Variants in TPRX1 observed in about 807,000 individuals in gnomAD.
TPRX1 encodes tetrapeptide repeat homeobox 1.
TPRX1 carries 2 observed loss-of-function variants against 8.1 expected under a neutral mutation model. The observed-to-expected ratio is 0.25, with a 90% CI of 0.10 to 0.78. The LOEUF (loss-of-function observed/expected upper bound fraction) is 0.78, where lower values mean the gene tolerates loss of function less well. Ranked by LOEUF, TPRX1 falls within the 30% of genes least tolerant of loss-of-function variation. The pLI, the probability that TPRX1 is intolerant of heterozygous loss-of-function variation, is 0.70. For missense variants in TPRX1, 517 were observed against 586.9 expected (o/e 0.88, Z 1.23); for synonymous variants, 257 against 254.1 (o/e 1.01, Z -0.11).
chr19:47,815,129 T>TATATATATATATGCAA (rs1568617334), intron 2 of TPRX1, among the ~76,000 whole-genome samples: 35 of 101,734 alleles, frequency 3.4e-4, no homozygotes, highest in South Asian at 1.7e-3. Flanking sequence ...TATATATATA[T>TATATATATATATGCAA]ATATATATAT....
At chr19:47,814,551 C>G (rs942906103) in intron 2 of TPRX1, among the ~76,000 whole-genome samples, 1 of 152,096 alleles carries the variant, frequency 6.6e-6, no homozygotes, top group African/African-American at 2.4e-5. Flanking sequence ...TCACTCTCCC[C>G]TCTCTGTTCC....
intron 2 of TPRX1, among the ~76,000 whole-genome samples, chr19:47,815,194 G>GCC (rs887116748): frequency 1.2e-5 from 1 of 86,832 alleles, no homozygotes; most frequent in African/African-American, 5.0e-5. Flanking sequence ...TTGCTATGTT[G>GCC]CCTAGGCTGG....
intron 2 of TPRX1, among the ~76,000 whole-genome samples, chr19:47,806,425 T>C (rs1006577042): frequency 1.3e-5 from 2 of 149,040 alleles, no homozygotes; most frequent in Non-Finnish European, 3.0e-5. Context: ...TAGGCTGAGG[T>C]AGGAGAATCA....
rs369609339 is a variant in TPRX1, at chr19:47,815,129, T to A, written c.151+3339A>T. 9.9e-4 allele frequency among the ~76,000 whole-genome samples: 101 copies of A among 101,628 alleles called. 1 individual carries two copies. The highest frequency in any genetic ancestry group is 1.5e-3 in the Non-Finnish European group (73 of 47,526). 66.7% of individuals were successfully genotyped at this position (101,628 alleles called of 152,430 possible). On this transcript the variant is annotated intron_variant, in intron 2 of 3. Coordinates refer to ENST00000535759, the Ensembl canonical transcript of TPRX1. ...AATAGATAAATTATATATATATATATATATATATATATATGCAAATATATA... is the reference window on the plus strand; with the variant it reads ...AATAGATAAATTATATATATATATAAATATATATATATATGCAAATATATA...
At chr19:47,804,058 C>T (rs1435445288) in intron 2 of TPRX1, among the ~76,000 whole-genome samples, 3 of 150,018 alleles carry the variant, frequency 2.0e-5, no homozygotes, top group Non-Finnish European at 4.4e-5. Context: ...TAATTTCTTT[C>T]CTTCTTTCTT....
chr19:47,814,763 T>A (rs1291903031), intron 2 of TPRX1, among the ~76,000 whole-genome samples: 2 of 152,168 alleles, frequency 1.3e-5, no homozygotes, highest in Non-Finnish European at 2.9e-5. Context: ...GCTGTCCAAG[T>A]AAAACATGAA....
chr19:47,813,146 T>A (rs1967799488), intron 2 of TPRX1, among the ~76,000 whole-genome samples: 2 of 121,318 alleles, frequency 1.6e-5, no homozygotes, highest in Admixed American at 8.3e-5. Context: ...TAAATAATAA[T>A]AAATAAAACA....
At chr19:47,818,191 A>G (rs1967861825) in intron 2 of TPRX1, among the ~76,000 whole-genome samples, 1 of 151,456 alleles carries the variant, frequency 6.6e-6, no homozygotes, top group Non-Finnish European at 1.5e-5. Context: ...CCCACCATCC[A>G]TCCATCCATC....
At chr19:47,817,955 T>C (rs1181069170) in intron 2 of TPRX1, among the ~76,000 whole-genome samples, 4 of 152,222 alleles carry the variant, frequency 2.6e-5, no homozygotes, top group Non-Finnish European at 5.9e-5. Context: ...GCTGAGTGGA[T>C]GCACCCACTA....
intron 2 of TPRX1, among the ~76,000 whole-genome samples, chr19:47,813,481 A>G (rs893244099): frequency 6.6e-6 from 1 of 152,118 alleles, no homozygotes; most frequent in Non-Finnish European, 1.5e-5. Context: ...TTGCAGGTGG[A>G]GGCACTAGGC....
chr19:47,808,200 C>T (rs1217949493), intron 2 of TPRX1, among the ~76,000 whole-genome samples: 2 of 151,818 alleles, frequency 1.3e-5, no homozygotes, highest in Non-Finnish European at 2.9e-5. Flanking sequence ...CTGCAACCTC[C>T]GCCTCCCAGG....
intron 2 of TPRX1, among the ~76,000 whole-genome samples, chr19:47,805,845 T>TA (rs1230533976): frequency 3.3e-5 from 5 of 152,186 alleles, no homozygotes; most frequent in Non-Finnish European, 7.3e-5. Context: ...GACATTTAAA[T>TA]ATAAGCAAGT....
chr19:47,807,547 A>C (rs1302165946), intron 2 of TPRX1, among the ~76,000 whole-genome samples: 3 of 151,394 alleles, frequency 2.0e-5, no homozygotes, highest in African/African-American at 7.3e-5. Flanking sequence ...AATTTTTTCT[A>C]TTTTTAGTAG....
intron 2 of TPRX1, among the ~76,000 whole-genome samples, chr19:47,809,265 C>CT (rs1361220001): frequency 1.3e-5 from 2 of 151,894 alleles, no homozygotes; most frequent in Admixed American, 6.6e-5. Flanking sequence ...TATACATATT[C>CT]TTTTTTCTTT....
chr19:47,803,052 G>A (rs112877068), intron 3 of TPRX1, 72 bp from the exon 3 acceptor site: 4 of 1,459,544 alleles, frequency 2.7e-6, no homozygotes, highest in Non-Finnish European at 3.6e-6. Flanking sequence ...TTTTGGGGTC[G>A]GGGCCAGCCT....
intron 2 of TPRX1, among the ~76,000 whole-genome samples, chr19:47,810,344 ATT>A (rs762098389): frequency 5.4e-5 from 5 of 93,320 alleles, no homozygotes; most frequent in Admixed American, 1.3e-4. Context: ...TTATCCATCA[ATT>A]TTTTTTTTTT....
chr19:47,810,783 T>C (rs908287888), intron 2 of TPRX1, among the ~76,000 whole-genome samples: 2 of 152,056 alleles, frequency 1.3e-5, no homozygotes, highest in African/African-American at 4.8e-5. Flanking sequence ...GGGTATCTCT[T>C]GGTGCAGGGG....
intron 1 of TPRX1, chr19:47,818,606 G>A: frequency 2.2e-6 from 1 of 455,592 alleles, no homozygotes; most frequent in Non-Finnish European, 4.4e-6. Context: ...GGATGAATGT[G>A]TTAGGGAGCT....
At chr19:47,806,865 G>A (rs1010241905) in intron 2 of TPRX1, among the ~76,000 whole-genome samples, 1 of 152,072 alleles carries the variant, frequency 6.6e-6, no homozygotes, top group Non-Finnish European at 1.5e-5. Context: ...ATTGACTGTA[G>A]TGAAGGAGGC....
Sources: gnomAD v4.1 joint callset for allele counts (sites outside exome capture counted in the v4.1 genomes callset) on GRCh38, gnomAD v4.1.1 for gene constraint, MANE v1.5 for transcripts, NCBI Gene and HGNC (gene_info 2026-07-23, HGNC 2026-07-21) for gene names.